The following PAG1 variants were observed in gnomAD, a reference collection of about 807,000 sequenced individuals.
PAG1 encodes phosphoprotein membrane anchor with glycosphingolipid microdomains 1, also known as phosphoprotein associated with glycosphingolipid-enriched microdomains 1.
In PAG1, 23 loss-of-function variants were observed where a neutral mutation model predicts 31.7. The observed-to-expected ratio is 0.73, with a 90% CI of 0.52 to 1.03. PAG1 has a LOEUF of 1.03. Ranked by LOEUF, PAG1 falls within the 50% of genes least tolerant of loss-of-function variation. PAG1 has a pLI of 0.00. For synonymous variants in PAG1, 214 were observed against 210.3 expected (o/e 1.02, Z -0.15); for missense variants, 473 against 540.7 (o/e 0.87, Z 1.24).
Position 81,005,715 on chromosome 8 carries a change from G to C in PAG1, c.-80-12408C>G, listed in dbSNP as rs1035515319. On this transcript the variant is annotated intron_variant, in intron 3 of 8. Coordinates refer to ENST00000220597, the MANE Select transcript of PAG1 (RefSeq NM_018440.4). Reference sequence around the variant, plus strand: ...GAATACCCAGCCTCCATCTGTATCAGAGCGCGTGTCCTGCAGGTCCGTTCA... The same window carrying C: ...GAATACCCAGCCTCCATCTGTATCACAGCGCGTGTCCTGCAGGTCCGTTCA... Among the ~76,000 whole-genome samples the C allele has an allele frequency of 2.0e-5, 3 of 152,150 alleles. No individual in the cohort carries two copies. The South Asian group carries it at 6.2e-4, about 32-fold the overall frequency.
At chr8:80,995,696 T>G (rs1807659545) in intron 3 of PAG1, among the ~76,000 whole-genome samples, 1 of 152,232 alleles carries the variant, frequency 6.6e-6, no homozygotes, top group Non-Finnish European at 1.5e-5. Flanking sequence ...TAAAATGCCA[T>G]GTTCTTAAAA....
intron 1 of PAG1, among the ~76,000 whole-genome samples, chr8:81,083,918 C>T (rs1809309468): frequency 1.3e-5 from 2 of 151,994 alleles, no homozygotes; most frequent in African/African-American, 4.8e-5. Flanking sequence ...GCCTGTAATC[C>T]CAGCTACTTG....
chr8:81,100,159 AATCACAGCATAC>A (rs1016755830), intron 1 of PAG1, among the ~76,000 whole-genome samples: 1 of 152,212 alleles, frequency 6.6e-6, no homozygotes, highest in African/African-American at 2.4e-5. Flanking sequence ...GCATACCTCT[AATCACAGCATAC>A]ATCACATCAA....
chr8:81,083,710 T>C (rs1360864397), intron 1 of PAG1, among the ~76,000 whole-genome samples: 1 of 152,180 alleles, frequency 6.6e-6, no homozygotes, highest in Non-Finnish European at 1.5e-5. Flanking sequence ...CCTGTTGGTG[T>C]TTTCCACTTG....
At chr8:81,046,289 C>G (rs932934565) in intron 2 of PAG1, among the ~76,000 whole-genome samples, 1 of 152,164 alleles carries the variant, frequency 6.6e-6, no homozygotes, top group Non-Finnish European at 1.5e-5. Flanking sequence ...GTTTAGCAAG[C>G]CTTCTGAATA....
At chr8:81,034,396 G>A (rs530467143) in intron 2 of PAG1, among the ~76,000 whole-genome samples, 3 of 152,344 alleles carry the variant, frequency 2.0e-5, no homozygotes, top group East Asian at 3.9e-4. Context: ...ACAGAGAAGA[G>A]AGTAGGATTA....
At chr8:81,097,482 G>A (rs556673636) in intron 1 of PAG1, among the ~76,000 whole-genome samples, 2 of 152,290 alleles carry the variant, frequency 1.3e-5, no homozygotes, top group East Asian at 1.9e-4. Context: ...AAGCTGGGAG[G>A]TAAAAGAGAA....
At chr8:81,094,664 GA>G (rs550928654) in intron 1 of PAG1, among the ~76,000 whole-genome samples, 26 of 150,728 alleles carry the variant, frequency 1.7e-4, no homozygotes, top group Admixed American at 2.6e-4. Context: ...AGCTTTGAGG[GA>G]AAAAAAAATT....
intron 3 of PAG1, among the ~76,000 whole-genome samples, chr8:81,000,910 A>G (rs1306993101): frequency 3.9e-5 from 6 of 152,152 alleles, no homozygotes; most frequent in Non-Finnish European, 7.3e-5. Flanking sequence ...CCCCAAGCTT[A>G]GTGTTCTTCT....
At chr8:81,006,060 A>G (rs1464748307) in intron 3 of PAG1, among the ~76,000 whole-genome samples, 1 of 152,122 alleles carries the variant, frequency 6.6e-6, no homozygotes, top group Non-Finnish European at 1.5e-5. Flanking sequence ...CTCCCACCTT[A>G]GCCTCCCAAG....
chr8:81,063,196 T>C (rs1015213964), intron 2 of PAG1, among the ~76,000 whole-genome samples: 3 of 152,216 alleles, frequency 2.0e-5, no homozygotes, highest in Non-Finnish European at 4.4e-5. Flanking sequence ...GGGTCTCCTC[T>C]ATTCGAGGCT....
rs74446895 is a variant in PAG1, at chr8:81,071,845, C to T, written c.-233-1675G>A. 4.5e-3 allele frequency among the ~76,000 whole-genome samples: 689 copies of T among 152,310 alleles called. 7 individuals are homozygous for T. The highest frequency in any genetic ancestry group is 0.015 in the African/African-American group (634 of 41,558). On this transcript the variant is annotated intron_variant, in intron 1 of 8. Coordinates refer to ENST00000220597, the MANE Select transcript of PAG1 (RefSeq NM_018440.4). Reference sequence around the variant, plus strand: ...TAGTTTGGCTCTGGAGGGCCCCATCCGTGCTTGTTCTCCACAGCCCTTGTG... The same window carrying T: ...TAGTTTGGCTCTGGAGGGCCCCATCTGTGCTTGTTCTCCACAGCCCTTGTG...
chr8:81,032,360 A>G (rs1258237781), intron 2 of PAG1, among the ~76,000 whole-genome samples: 3 of 152,338 alleles, frequency 2.0e-5, no homozygotes, highest in South Asian at 2.1e-4. Flanking sequence ...TTATAACTCA[A>G]TAATAAAAAG....
intron 8 of PAG1, among the ~76,000 whole-genome samples, chr8:80,977,970 G>C (rs1807218206): frequency 1.3e-5 from 2 of 152,298 alleles, no homozygotes; most frequent in South Asian, 4.1e-4. Context: ...ACAGATGCCT[G>C]GCTTCCCAAG....
chr8:81,039,177 TC>T (rs758161526), intron 2 of PAG1, among the ~76,000 whole-genome samples: 4 of 152,176 alleles, frequency 2.6e-5, no homozygotes, highest in Non-Finnish European at 4.4e-5. Flanking sequence ...GTGACGCTTT[TC>T]TGAGCCTGTT....
chr8:81,107,584 A>G (rs760153738), intron 1 of PAG1, among the ~76,000 whole-genome samples: 35 of 152,198 alleles, frequency 2.3e-4, no homozygotes, highest in Non-Finnish European at 4.0e-4. Flanking sequence ...AGGATAATAA[A>G]GTACTACCAC....
chr8:81,046,558 CT>C (rs1808645222), intron 2 of PAG1, among the ~76,000 whole-genome samples: 1 of 152,090 alleles, frequency 6.6e-6, no homozygotes, highest in South Asian at 2.1e-4. Context: ...AAATGTTTTT[CT>C]TTTTAGTAAC....
chr8:81,028,427 T>C (rs1372401259), intron 3 of PAG1, among the ~76,000 whole-genome samples: 1 of 152,256 alleles, frequency 6.6e-6, no homozygotes, highest in East Asian at 1.9e-4. Flanking sequence ...AATTTTCATT[T>C]GTACCAATGT....
chr8:81,012,355 T>C (rs932100646), intron 3 of PAG1, among the ~76,000 whole-genome samples: 1 of 152,240 alleles, frequency 6.6e-6, no homozygotes, highest in Non-Finnish European at 1.5e-5. Flanking sequence ...CTTCCAAACA[T>C]GTGCCTATGT....
Sources: allele counts gnomAD v4.1 joint callset (sites outside exome capture counted in the v4.1 genomes callset), GRCh38; gene constraint gnomAD v4.1.1; transcripts MANE v1.5; gene names NCBI Gene and HGNC (gene_info 2026-07-23, HGNC 2026-07-21).